NFIA: variants seen among roughly 807,000 people sequenced by gnomAD.
NFIA encodes nuclear factor I A.
In NFIA, 8 loss-of-function variants were observed where a neutral mutation model predicts 62.8. The ratio of observed to expected loss-of-function variants is 0.13; its 90% CI spans 0.07 to 0.23. NFIA has a LOEUF of 0.23. Ranked by LOEUF, NFIA falls within the 10% of genes least tolerant of loss-of-function variation. The pLI, the probability that NFIA is intolerant of heterozygous loss-of-function variation, is 1.00. For synonymous variants in NFIA, 235 were observed against 238.1 expected (o/e 0.99, Z 0.12); for missense variants, 410 against 642.1 (o/e 0.64, Z 3.91).
At chr1:61,328,018 T>G (rs1661049479) in intron 3 of NFIA, among the ~76,000 whole-genome samples, 2 of 152,182 alleles carry the variant, frequency 1.3e-5, no homozygotes, top group South Asian at 4.1e-4. Flanking sequence ...ATTAGTGATG[T>G]TGGGCATTTT....
intron 2 of NFIA, among the ~76,000 whole-genome samples, chr1:61,182,895 C>T (rs1237737107): frequency 6.6e-6 from 1 of 152,156 alleles, no homozygotes; most frequent in Non-Finnish European, 1.5e-5. Flanking sequence ...CAACCTTTTC[C>T]CCGAATATTG....
intron 2 of NFIA, among the ~76,000 whole-genome samples, chr1:61,234,139 G>A (rs1048043448): frequency 4.6e-5 from 7 of 151,854 alleles, no homozygotes; most frequent in Admixed American, 2.6e-4. Context: ...AGGCCGAGGC[G>A]GGCGGATCAC....
chr1:61,184,695 TAGGAGCCGTGCTCCAAG>T (rs1400061553), intron 2 of NFIA, among the ~76,000 whole-genome samples: 1 of 152,220 alleles, frequency 6.6e-6, no homozygotes, highest in African/African-American at 2.4e-5. Flanking sequence ...TATTGTGTGA[TAGGAGCCGTGCTCCAAG>T]AGAGCAGGAA....
At chr1:61,344,556 G>A (rs1318209992) in intron 4 of NFIA, among the ~76,000 whole-genome samples, 1 of 152,170 alleles carries the variant, frequency 6.6e-6, no homozygotes, top group African/African-American at 2.4e-5. Context: ...ATTTGAAGAA[G>A]GGACAATAAT....
chr1:61,350,994 G>A (rs913349465), intron 4 of NFIA, among the ~76,000 whole-genome samples: 23 of 152,258 alleles, frequency 1.5e-4, no homozygotes, highest in African/African-American at 5.3e-4. Flanking sequence ...TCAGCTTTAC[G>A]ATGGTGGGAA....
At chr1:61,196,501 G>A (rs555259250) in intron 2 of NFIA, among the ~76,000 whole-genome samples, 49 of 152,180 alleles carry the variant, frequency 3.2e-4, no homozygotes, top group African/African-American at 1.2e-3. Context: ...ATTTCTTAGC[G>A]TAGAGCAAAT....
intron 3 of NFIA, among the ~76,000 whole-genome samples, chr1:61,313,696 G>GA (rs763309319): frequency 6.0e-5 from 9 of 151,116 alleles, no homozygotes; most frequent in African/African-American, 1.2e-4. Context: ...CATTTGGTGA[G>GA]AAAAAAAAAT....
chr1:61,300,122 T>C (rs1020937808), intron 3 of NFIA, among the ~76,000 whole-genome samples: 3 of 152,100 alleles, frequency 2.0e-5, no homozygotes, highest in Non-Finnish European at 4.4e-5. Context: ...GTTTCAACAG[T>C]TGTTTTCCGC....
intron 2 of NFIA, among the ~76,000 whole-genome samples, chr1:61,129,889 T>C (rs1315786019): frequency 2.0e-5 from 3 of 152,140 alleles, no homozygotes; most frequent in African/African-American, 4.8e-5. Flanking sequence ...ACATTCCTAC[T>C]CCTACAGAGA....
At position 61,126,462 on chromosome 1, in the gene NFIA, A is replaced by ACACACACACT. The variant is rs1553153081; in HGVS notation, c.559+37791_559+37792insTCACACACAC. Among the ~76,000 whole-genome samples the ACACACACACT allele has an allele frequency of 7.2e-3, 1,055 of 145,910 alleles. 18 individuals carry two copies. The highest frequency in any genetic ancestry group is 0.024 in the South Asian group (111 of 4,534). On this transcript the variant is annotated intron_variant, in intron 2 of 10. Coordinates refer to ENST00000403491, the MANE Select transcript of NFIA (RefSeq NM_001134673.4). ...AACACACACACACACACACACACAC[A>ACACACACACT]CACACACACACACTCACAGAAATAT...
At chr1:61,162,461 C>A (rs1420071118) in intron 2 of NFIA, among the ~76,000 whole-genome samples, 6 of 152,188 alleles carry the variant, frequency 3.9e-5, no homozygotes, top group Admixed American at 3.9e-4. Flanking sequence ...AAGCCACATG[C>A]TTACCTGGGG....
At chr1:61,252,125 T>C (rs902699031) in intron 2 of NFIA, among the ~76,000 whole-genome samples, 3 of 152,184 alleles carry the variant, frequency 2.0e-5, no homozygotes, top group African/African-American at 7.2e-5. Flanking sequence ...ACTCACAATA[T>C]CCATTCAATG....
At chr1:61,294,945 G>C (rs1381015539) in intron 3 of NFIA, among the ~76,000 whole-genome samples, 1 of 152,196 alleles carries the variant, frequency 6.6e-6, no homozygotes, top group Non-Finnish European at 1.5e-5. Flanking sequence ...CAAGCAGCTT[G>C]TAGTTTTCCT....
chr1:61,078,273 AAAG>A, upstream of NFIA, among the ~76,000 whole-genome samples: 1 of 152,142 alleles, frequency 6.6e-6, no homozygotes, highest in East Asian at 1.9e-4. Context: ...GAAAAAAAAA[AAAG>A]CTGATCGGGG....
In NFIA at chr1:61,280,993, C is replaced by G. The variant is rs146410409; in HGVS notation, c.625+3408C>G. On this transcript the variant is annotated intron_variant, in intron 3 of 10. Coordinates refer to ENST00000403491, the MANE Select transcript of NFIA (RefSeq NM_001134673.4). ...GTGCAGTGGCTCACGCCTATAATCC[C>G]AGCACTTTGGGAGGCTGAGGTGAGT... 3.4e-3 allele frequency among the ~76,000 whole-genome samples: 521 copies of G among 152,266 alleles called. 5 individuals are homozygous for G. Among genetic ancestry groups the G allele is most frequent in the African/African-American group, 0.012 (494 of 41,534 alleles).
At chr1:61,281,816 T>G (rs1160724009) in intron 3 of NFIA, among the ~76,000 whole-genome samples, 9 of 152,168 alleles carry the variant, frequency 5.9e-5, no homozygotes, top group African/African-American at 2.2e-4. Context: ...GACAAATTCC[T>G]TTTAAAAAAA....
intron 8 of NFIA, among the ~76,000 whole-genome samples, chr1:61,405,029 A>C (rs74089320): frequency 0.027 from 4,048 of 152,340 alleles, 173 homozygotes; most frequent in African/African-American, 0.093. Context: ...AACAACGACC[A>C]GCATAAAGCC....
intron 2 of NFIA, among the ~76,000 whole-genome samples, chr1:61,089,707 T>TTTTTTTTTTG (rs1553149387): frequency 6.7e-6 from 1 of 150,374 alleles, no homozygotes; most frequent in African/African-American, 2.5e-5. Context: ...TTTTTTTTTT[T>TTTTTTTTTTG]TTTTTTTACA....
chr1:61,189,984 G>A (rs1036248993), intron 2 of NFIA, among the ~76,000 whole-genome samples: 19 of 152,114 alleles, frequency 1.2e-4, no homozygotes, highest in African/African-American at 4.1e-4. Flanking sequence ...TTACCGTGCT[G>A]TTTGATTTTA....
Sources: gnomAD v4.1 joint callset for allele counts (sites outside exome capture counted in the v4.1 genomes callset) on GRCh38, gnomAD v4.1.1 for gene constraint, MANE v1.5 for transcripts, NCBI Gene and HGNC (gene_info 2026-07-23, HGNC 2026-07-21) for gene names.